Variants in NUP93 observed in about 807,000 individuals in gnomAD.
NUP93 encodes the protein nucleoporin 93.
Under a neutral mutation model 107.8 loss-of-function variants are expected in NUP93, and 55 were observed. That is an observed-to-expected ratio of 0.51 (90% CI 0.41 to 0.64). NUP93 has a LOEUF of 0.64. Among genes scored for constraint, NUP93 ranks in the 30% least tolerant of loss-of-function variants. The pLI is 0.00. For synonymous variants in NUP93, 390 were observed against 397.5 expected (o/e 0.98, Z 0.22); for missense variants, 937 against 1,044.7 (o/e 0.90, Z 1.42).
intron 3 of NUP93, among the ~76,000 whole-genome samples, chr16:56,762,149 C>T (rs1477297097): frequency 1.3e-5 from 2 of 152,142 alleles, no homozygotes; most frequent in African/African-American, 4.8e-5. Flanking sequence ...CACAGAGATC[C>T]ACTTGCTCAC....
intron 10 of NUP93, among the ~76,000 whole-genome samples, chr16:56,831,245 G>A (rs1322601913): frequency 3.9e-5 from 6 of 152,102 alleles, no homozygotes; most frequent in African/African-American, 1.2e-4. Context: ...CTCAAACTGA[G>A]GTTATATATA....
At chr16:56,844,156 G>A (rs1349690346) in intron 21 of NUP93, among the ~76,000 whole-genome samples, 5 of 152,232 alleles carry the variant, frequency 3.3e-5, no homozygotes, top group Non-Finnish European at 7.3e-5. Flanking sequence ...GAGAGGCTCA[G>A]AAGATTGGAG....
At chr16:56,731,053 T>TC (rs1317821043) in intron 1 of NUP93, among the ~76,000 whole-genome samples, 1 of 152,236 alleles carries the variant, frequency 6.6e-6, no homozygotes, top group Non-Finnish European at 1.5e-5. Flanking sequence ...TATTTTTTTT[T>TC]CTTTAAATTC....
chr16:56,843,872 G>A (rs1964072218), intron 21 of NUP93, among the ~76,000 whole-genome samples: 1 of 152,202 alleles, frequency 6.6e-6, no homozygotes, highest in African/African-American at 2.4e-5. Context: ...TTCTAGTCCA[G>A]ATTTGGTTTA....
chr16:56,826,254 G>C (rs1354022355), intron 8 of NUP93, among the ~76,000 whole-genome samples: 1 of 152,198 alleles, frequency 6.6e-6, no homozygotes, highest in Admixed American at 6.5e-5. Context: ...GCTCACACCT[G>C]TAATCCCAAC....
At position 56,841,759 on chromosome 16, in the gene NUP93, C is replaced by A; in HGVS notation, c.2275C>A (p.Gln759Lys). The A allele has an allele frequency of 6.2e-7, 1 of 1,614,208 alleles. No homozygotes were observed. Among genetic ancestry groups the A allele is most frequent in the Non-Finnish European group, 8.5e-7 (1 of 1,180,016 alleles). Reference sequence around the variant, plus strand: ...TGCCACCATGAACATCTTGTTCACACAGTTTAAGAGGCTCAAGGGGACAAG... The same window carrying A: ...TGCCACCATGAACATCTTGTTCACAAAGTTTAAGAGGCTCAAGGGGACAAG... Reference protein sequence around the residue: ...LLATMNILFTQFKRLKGTSPS... With the variant: ...LLATMNILFTKFKRLKGTSPS... Residue 759 changes from glutamine (Q) to lysine (K), a missense_variant, in exon 21 of 22, where the codon CAG (glutamine) becomes AAG (lysine). By Grantham distance (53) the Gln-to-Lys change is moderately conservative (BLOSUM62 1). Coordinates refer to ENST00000308159, the MANE Select transcript of NUP93 (RefSeq NM_014669.5).
At chr16:56,771,456 T>G (rs1449834131) in intron 3 of NUP93, among the ~76,000 whole-genome samples, 2 of 152,224 alleles carry the variant, frequency 1.3e-5, no homozygotes, top group Non-Finnish European at 2.9e-5. Context: ...AAATGCCGTA[T>G]TATTCTTTTC....
At chr16:56,766,863 T>A (rs1962225194) in intron 3 of NUP93, among the ~76,000 whole-genome samples, 1 of 152,110 alleles carries the variant, frequency 6.6e-6, no homozygotes, top group East Asian at 1.9e-4. Flanking sequence ...TTCTTTTCAT[T>A]TGTTTGTTTG....
At chr16:56,771,623 T>A (rs1962324236) in intron 3 of NUP93, among the ~76,000 whole-genome samples, 1 of 152,232 alleles carries the variant, frequency 6.6e-6, no homozygotes, top group South Asian at 2.1e-4. Context: ...AAATTAGAGA[T>A]GGAAATGCTA....
intron 18 of NUP93, among the ~76,000 whole-genome samples, 156 bp from the exon 19 acceptor site, chr16:56,838,796 C>G (rs1963962043): frequency 6.6e-6 from 1 of 152,162 alleles, no homozygotes; most frequent in Non-Finnish European, 1.5e-5. Flanking sequence ...GACTCCTGGC[C>G]TCAAGCAATC....
At chr16:56,812,533 C>T (rs1409961114) in intron 5 of NUP93, among the ~76,000 whole-genome samples, 2 of 151,936 alleles carry the variant, frequency 1.3e-5, no homozygotes, top group Non-Finnish European at 2.9e-5. Flanking sequence ...TTAGTAGAGA[C>T]GGGGCTTCAC....
chr16:56,792,841 T>A (rs1048097810), intron 3 of NUP93, among the ~76,000 whole-genome samples: 4 of 152,200 alleles, frequency 2.6e-5, no homozygotes, highest in African/African-American at 9.6e-5. Flanking sequence ...AATTTTTTTT[T>A]ATTTTTGCTG....
intron 5 of NUP93, among the ~76,000 whole-genome samples, chr16:56,815,266 A>G (rs1402282212): frequency 1.3e-5 from 2 of 152,212 alleles, no homozygotes; most frequent in Non-Finnish European, 2.9e-5. Context: ...GGTTTCTGGA[A>G]TTAACAGGCT....
In NUP93 at chr16:56,734,967, G is replaced by A. The variant is rs71387135; in HGVS notation, c.-15+4756G>A. On this transcript the variant is annotated intron_variant, in intron 1 of 21. Transcript: ENST00000308159. ...CGGCTGTTGCCCTGCTGAAAAACCTGTGTACCAGTTGGTCCCTTTGGACAC... is the reference window on the plus strand; with the variant it reads ...CGGCTGTTGCCCTGCTGAAAAACCTATGTACCAGTTGGTCCCTTTGGACAC... 4.2e-3 allele frequency among the ~76,000 whole-genome samples: 636 copies of A among 152,306 alleles called. 4 individuals carry two copies. Among genetic ancestry groups the A allele is most frequent in the Middle Eastern group, 6.8e-3 (2 of 294 alleles).
chr16:56,832,671 CTT>C (rs1963819675), intron 12 of NUP93, among the ~76,000 whole-genome samples: 1 of 152,208 alleles, frequency 6.6e-6, no homozygotes, highest in South Asian at 2.1e-4. Context: ...AAAAAGAAGA[CTT>C]AGCTGTTGCT....
At chr16:56,730,648 C>T (rs2144421339) in intron 1 of NUP93, among the ~76,000 whole-genome samples, 1 of 152,278 alleles carries the variant, frequency 6.6e-6, no homozygotes, top group East Asian at 1.9e-4. Flanking sequence ...CGTTGCTCTG[C>T]GAGGGAAGGG....
intron 3 of NUP93, among the ~76,000 whole-genome samples, chr16:56,762,008 T>C (rs1962136540): frequency 6.6e-6 from 1 of 152,192 alleles, no homozygotes; most frequent in South Asian, 2.1e-4. Context: ...ATTTTATTTT[T>C]TGGAAATGGT....
chr16:56,838,916 C>T (rs1247020689), intron 18 of NUP93, 36 bp from the exon 19 acceptor site: 1 of 1,416,898 alleles, frequency 7.1e-7, no homozygotes, highest in Non-Finnish European at 1.0e-6. Flanking sequence ...ATTCCTGATA[C>T]ACTCTTACTA....
chr16:56,812,847 C>T (rs1441394924), intron 5 of NUP93, among the ~76,000 whole-genome samples: 2 of 152,206 alleles, frequency 1.3e-5, no homozygotes, highest in African/African-American at 4.8e-5. Flanking sequence ...GGCTACGAAT[C>T]CTCACGTCGC....
Sources: allele counts gnomAD v4.1 joint callset (sites outside exome capture counted in the v4.1 genomes callset), GRCh38; gene constraint gnomAD v4.1.1; transcripts MANE v1.5; gene names NCBI Gene and HGNC (gene_info 2026-07-23, HGNC 2026-07-21).